The following TAFA1 variants were observed in gnomAD, a reference collection of about 807,000 sequenced individuals.
TAFA1 encodes the protein chemokine-like protein TAFA-1.
A neutral mutation model predicts 18.5 loss-of-function variants in TAFA1; 4 were observed. That is an observed-to-expected ratio of 0.22 (90% CI 0.11 to 0.49). The LOEUF (loss-of-function observed/expected upper bound fraction) is 0.49, where lower values mean the gene tolerates loss of function less well. TAFA1 is among the 20% of genes least tolerant of loss of function. The pLI, the probability that TAFA1 is intolerant of heterozygous loss-of-function variation, is 0.98. For missense variants in TAFA1, 147 were observed against 169.0 expected (o/e 0.87, Z 0.72); for synonymous variants, 56 against 55.2 (o/e 1.01, Z -0.06).
chr3:68,389,309 G>A (rs976324046), intron 2 of TAFA1, among the ~76,000 whole-genome samples: 1 of 152,088 alleles, frequency 6.6e-6, no homozygotes, highest in Admixed American at 6.5e-5. Flanking sequence ...TACACAAAAA[G>A]CTTTCATCAA....
intron 2 of TAFA1, among the ~76,000 whole-genome samples, chr3:68,265,505 T>C (rs1028336198): frequency 2.0e-5 from 3 of 152,236 alleles, no homozygotes; most frequent in Non-Finnish European, 4.4e-5. Context: ...TTGACATTCC[T>C]GGTGGGAATT....
At chr3:68,515,593 T>A (rs992850549) in intron 3 of TAFA1, among the ~76,000 whole-genome samples, 1 of 152,188 alleles carries the variant, frequency 6.6e-6, no homozygotes, top group African/African-American at 2.4e-5. Flanking sequence ...ATGTGACAAA[T>A]TGATGTTGAC....
chr3:68,027,945 C>G (rs1347717087), intron 2 of TAFA1, among the ~76,000 whole-genome samples: 1 of 152,082 alleles, frequency 6.6e-6, no homozygotes. Context: ...TTTTTGGCTT[C>G]TTACATATGT....
chr3:68,448,134 A>T (rs1056392452), intron 3 of TAFA1, among the ~76,000 whole-genome samples: 19 of 152,178 alleles, frequency 1.2e-4, no homozygotes, highest in Admixed American at 4.6e-4. Context: ...GTCATCTCCT[A>T]GTAAAAGGAC....
At chr3:68,123,878 CA>C (rs758966848) in intron 2 of TAFA1, among the ~76,000 whole-genome samples, 15 of 72,130 alleles carry the variant, frequency 2.1e-4, no homozygotes, top group Non-Finnish European at 2.9e-4. Flanking sequence ...CTTTTTTTTC[CA>C]AAAAAAAAAA....
intron 3 of TAFA1, among the ~76,000 whole-genome samples, chr3:68,497,298 C>T (rs1317334774): frequency 6.6e-6 from 1 of 152,068 alleles, no homozygotes; most frequent in African/African-American, 2.4e-5. Context: ...TAGTAGGCCA[C>T]TGGAATGTCA....
intron 2 of TAFA1, among the ~76,000 whole-genome samples, chr3:68,032,855 T>G (rs1450939661): frequency 6.6e-6 from 1 of 152,194 alleles, no homozygotes; most frequent in African/African-American, 2.4e-5. Context: ...ATGTGTAAAC[T>G]AATGATTTGC....
At chr3:68,339,470 A>G (rs928710771) in intron 2 of TAFA1, among the ~76,000 whole-genome samples, 1 of 152,224 alleles carries the variant, frequency 6.6e-6, no homozygotes, top group Non-Finnish European at 1.5e-5. Context: ...GACAAAGTTA[A>G]GGTTCATTTA....
At chr3:67,994,296 C>T in the TAFA1 span, among the ~76,000 whole-genome samples, 1 of 152,342 alleles carries the variant, frequency 6.6e-6, no homozygotes, top group East Asian at 1.9e-4. Flanking sequence ...AATGAGGACA[C>T]TTGAGTTCCA....
Position 68,379,670 on chromosome 3 carries a change from AGGGTTTTTACAGTTT to A in TAFA1, c.119-37598_119-37584del, listed in dbSNP as rs2069892520. ...TAATTTTAAATGTAGGTTGTCTTCC[AGGGTTTTTACAGTTT>A]GGGTTTTTACATTTAAGTCTTTAAT... On this transcript the variant is annotated intron_variant, in intron 2 of 4. Coordinates refer to ENST00000478136, the MANE Select transcript of TAFA1 (RefSeq NM_213609.4). Among the ~76,000 whole-genome samples, 3 of 150,382 alleles carry A rather than the reference AGGGTTTTTACAGTTT, an allele frequency of 2.0e-5. No homozygotes were observed. In the South Asian group the frequency reaches 6.3e-4, roughly 32 times the overall value.
At chr3:68,316,421 G>A (rs1287053028) in intron 2 of TAFA1, among the ~76,000 whole-genome samples, 1 of 152,180 alleles carries the variant, frequency 6.6e-6, no homozygotes, top group Non-Finnish European at 1.5e-5. Context: ...ACAGTTTCAT[G>A]TAGCTTTAGA....
chr3:68,194,743 A>T (rs2107022519), intron 2 of TAFA1, among the ~76,000 whole-genome samples: 1 of 151,794 alleles, frequency 6.6e-6, no homozygotes, highest in South Asian at 2.1e-4. Flanking sequence ...GCAACTTAGG[A>T]CAAAATACTT....
At chr3:68,534,451 TC>T (rs1414073432) in intron 3 of TAFA1, among the ~76,000 whole-genome samples, 2 of 152,230 alleles carry the variant, frequency 1.3e-5, no homozygotes, top group African/African-American at 2.4e-5. Context: ...TGCCTTTTTT[TC>T]CTGTTAATGT....
intron 2 of TAFA1, among the ~76,000 whole-genome samples, chr3:68,401,456 C>G (rs966155031): frequency 6.6e-6 from 1 of 152,122 alleles, no homozygotes; most frequent in African/African-American, 2.4e-5. Context: ...AGTTCAGCGC[C>G]CTGCTTCAGG....
At chr3:68,498,276 A>C (rs1286822705) in intron 3 of TAFA1, among the ~76,000 whole-genome samples, 1 of 152,160 alleles carries the variant, frequency 6.6e-6, no homozygotes, top group Non-Finnish European at 1.5e-5. Flanking sequence ...AGTCCTCAAT[A>C]ATTATTATAT....
At chr3:68,011,252 G>GAGACA (rs2106777843) in intron 2 of TAFA1, among the ~76,000 whole-genome samples, 1 of 152,202 alleles carries the variant, frequency 6.6e-6, no homozygotes, top group Non-Finnish European at 1.5e-5. Context: ...TAAATTACAT[G>GAGACA]AGACAAGAAG....
At chr3:68,435,485 C>T (rs551736623) in intron 3 of TAFA1, among the ~76,000 whole-genome samples, 1 of 152,116 alleles carries the variant, frequency 6.6e-6, no homozygotes, top group Non-Finnish European at 1.5e-5. Flanking sequence ...CTACATAGCA[C>T]AGGAATTAAA....
chr3:68,160,104 G>T (rs1245569707), intron 2 of TAFA1, among the ~76,000 whole-genome samples: 1 of 152,188 alleles, frequency 6.6e-6, no homozygotes, highest in East Asian at 1.9e-4. Context: ...TTGGGCTTCT[G>T]CAAGGTCAGT....
intron 3 of TAFA1, among the ~76,000 whole-genome samples, chr3:68,534,377 T>A (rs951742148): frequency 6.6e-6 from 1 of 152,216 alleles, no homozygotes; most frequent in African/African-American, 2.4e-5. Context: ...ATCGATAATC[T>A]TGGCTTTCTT....
Sources: allele counts gnomAD v4.1 joint callset (sites outside exome capture counted in the v4.1 genomes callset), GRCh38; gene constraint gnomAD v4.1.1; transcripts MANE v1.5; gene names NCBI Gene and HGNC (gene_info 2026-07-23, HGNC 2026-07-21).